The following PABPC4L variants were observed in gnomAD, a reference collection of about 807,000 sequenced individuals.
The protein encoded by PABPC4L is polyadenylate-binding protein 4-like.
For missense variants in PABPC4L, 452 were observed against 451.4 expected (o/e 1.00, Z -0.01); for synonymous variants, 169 against 164.1 (o/e 1.03, Z -0.23).
At chr4:134,004,333 C>T in the PABPC4L span, among the ~76,000 whole-genome samples, 1 of 151,738 alleles carries the variant, frequency 6.6e-6, no homozygotes. Context: ...GGGCGAAGGA[C>T]CTGAATAGAC....
the PABPC4L span, among the ~76,000 whole-genome samples, chr4:134,101,532 G>A: frequency 0.71 from 106,871 of 150,758 alleles, 39,359 homozygotes; most frequent in East Asian, 1. Context: ...GGAAAAGTTA[G>A]AAAATATACA....
chr4:134,033,988 C>T, the PABPC4L span, among the ~76,000 whole-genome samples: 2 of 151,882 alleles, frequency 1.3e-5, no homozygotes, highest in Non-Finnish European at 2.9e-5. Flanking sequence ...AAAGAAGATG[C>T]CATCTAGAAC....
chr4:133,997,390 G>A, the PABPC4L span, among the ~76,000 whole-genome samples: 1 of 151,852 alleles, frequency 6.6e-6, no homozygotes, highest in Non-Finnish European at 1.5e-5. Context: ...GTCACCTAAT[G>A]GCTCTCATGA....
the PABPC4L span, among the ~76,000 whole-genome samples, chr4:134,164,038 C>T: frequency 1.1e-4 from 17 of 151,444 alleles, no homozygotes; most frequent in East Asian, 1.4e-3. Context: ...CCGAGGCGGG[C>T]GGATCACGAG....
the PABPC4L span, among the ~76,000 whole-genome samples, chr4:134,112,938 T>C: frequency 2.0e-5 from 3 of 151,892 alleles, no homozygotes; most frequent in African/African-American, 7.2e-5. Flanking sequence ...GCCATGGAGG[T>C]AGAAGACAGT....
chr4:134,193,653 A>T (rs542564975), downstream of PABPC4L, among the ~76,000 whole-genome samples: 5 of 151,966 alleles, frequency 3.3e-5, no homozygotes, highest in Admixed American at 6.6e-5. Flanking sequence ...GTTGGGCATC[A>T]ATATTTAATC....
At chr4:134,111,917 A>T in the PABPC4L span, among the ~76,000 whole-genome samples, 2 of 151,964 alleles carry the variant, frequency 1.3e-5, no homozygotes, top group Non-Finnish European at 1.5e-5. Flanking sequence ...TTATTACCCA[A>T]ATTTTTATAG....
the PABPC4L span, among the ~76,000 whole-genome samples, chr4:134,179,920 A>G: frequency 1.3e-5 from 2 of 152,246 alleles, no homozygotes; most frequent in Admixed American, 1.3e-4. Context: ...ATACTTAGAT[A>G]ACCACACAAT....
the PABPC4L span, among the ~76,000 whole-genome samples, chr4:134,073,577 C>T: frequency 1.3e-5 from 2 of 152,188 alleles, no homozygotes; most frequent in Non-Finnish European, 2.9e-5. Context: ...CTCCACTAGG[C>T]AGTGCCCCAG....
At chr4:134,049,434 T>A in the PABPC4L span, among the ~76,000 whole-genome samples, 1 of 152,286 alleles carries the variant, frequency 6.6e-6, no homozygotes, top group African/African-American at 2.4e-5. Flanking sequence ...AATGTCTGGC[T>A]ATAGGCCAAC....
chr4:133,951,330 A>G, the PABPC4L span, among the ~76,000 whole-genome samples: 7 of 152,170 alleles, frequency 4.6e-5, no homozygotes, highest in Non-Finnish European at 5.9e-5. Flanking sequence ...TCAAGCAAGT[A>G]TCTGTTGTTA....
At chr4:134,105,001 A>G in the PABPC4L span, among the ~76,000 whole-genome samples, 1 of 151,772 alleles carries the variant, frequency 6.6e-6, no homozygotes, top group African/African-American at 2.4e-5. Flanking sequence ...GTGCTGCCCA[A>G]CAAGATGCAG....
At chr4:133,953,713 G>A in the PABPC4L span, among the ~76,000 whole-genome samples, 1 of 152,022 alleles carries the variant, frequency 6.6e-6, no homozygotes, top group Non-Finnish European at 1.5e-5. Context: ...ATTACATTTG[G>A]GATATACAGT....
chr4:133,998,827 G>A, the PABPC4L span, among the ~76,000 whole-genome samples: 2 of 151,556 alleles, frequency 1.3e-5, no homozygotes, highest in African/African-American at 4.8e-5. Context: ...TAGTTTAATT[G>A]AGAGTGCAAT....
downstream of PABPC4L, among the ~76,000 whole-genome samples, chr4:134,195,841 T>C (rs1729638415): frequency 6.6e-6 from 1 of 151,660 alleles, no homozygotes; most frequent in Non-Finnish European, 1.5e-5. Flanking sequence ...CAAATTCAGA[T>C]CCAAATGTAT....
chr4:133,974,380 A>C, the PABPC4L span, among the ~76,000 whole-genome samples: 1 of 152,166 alleles, frequency 6.6e-6, no homozygotes, highest in Non-Finnish European at 1.5e-5. Context: ...TGTAAATATA[A>C]GACTACAAAC....
At chr4:134,063,646 G>C in the PABPC4L span, among the ~76,000 whole-genome samples, 1 of 151,746 alleles carries the variant, frequency 6.6e-6, no homozygotes, top group Admixed American at 6.6e-5. Context: ...AGTGTTCTTC[G>C]TACTATTTTT....
At chr4:133,963,683 AG>A in the PABPC4L span, among the ~76,000 whole-genome samples, 3 of 152,160 alleles carry the variant, frequency 2.0e-5, no homozygotes, top group Non-Finnish European at 4.4e-5. Flanking sequence ...CCAACTTCAA[AG>A]GCACCTGCAA....
At chr4:134,012,949 A>G in the PABPC4L span, among the ~76,000 whole-genome samples, 1 of 152,094 alleles carries the variant, frequency 6.6e-6, no homozygotes, top group Non-Finnish European at 1.5e-5. Context: ...GGCGCCGGTC[A>G]TGGACTGGAA....
Sources: allele counts gnomAD v4.1 joint callset (sites outside exome capture counted in the v4.1 genomes callset), GRCh38; gene constraint gnomAD v4.1.1; transcripts MANE v1.5; gene names NCBI Gene and HGNC (gene_info 2026-07-23, HGNC 2026-07-21).